DMD: variants seen among roughly 807,000 people sequenced by gnomAD.
DMD encodes mutant dystrophin.
Under a neutral mutation model 330.1 loss-of-function variants are expected in DMD, and 63 were observed. The ratio of observed to expected loss-of-function variants is 0.19; its 90% confidence interval spans 0.16 to 0.24. DMD has a LOEUF of 0.24. DMD is among the 10% of genes least tolerant of loss of function. DMD has a pLI of 1.00. For missense variants in DMD, 3,344 were observed against 2,684.1 expected (o/e 1.25, Z -5.43); for synonymous variants, 1,223 against 959.8 (o/e 1.27, Z -5.07).
chrX:32,485,598 A>G (rs759592246), intron 20 of DMD, among the ~76,000 whole-genome samples: 1 of 109,105 alleles, frequency 9.2e-6, no homozygotes, highest in African/African-American at 3.3e-5. Flanking sequence ...ACAATTATAT[A>G]GATTATATAC....
chrX:32,038,817 G>T (rs1440051770), intron 44 of DMD, among the ~76,000 whole-genome samples: 2 of 111,371 alleles, frequency 1.8e-5, no homozygotes, highest in African/African-American at 6.5e-5. Context: ...CATATAAACA[G>T]GTTGGCTAAA....
intron 53 of DMD, among the ~76,000 whole-genome samples, chrX:31,671,944 G>A (rs778776075): frequency 1.1e-3 from 123 of 110,791 alleles, no homozygotes; most frequent in African/African-American, 3.9e-3. Flanking sequence ...GCTGCTTACT[G>A]TAGATTTACT....
intron 11 of DMD, among the ~76,000 whole-genome samples, chrX:32,628,508 T>G (rs189136737): frequency 2.8e-4 from 30 of 108,465 alleles, no homozygotes; most frequent in African/African-American, 9.7e-4. Context: ...TTGTTGTACT[T>G]TAATGTATTT....
chrX:32,984,502 G>A (rs761255782), intron 2 of DMD, among the ~76,000 whole-genome samples: 4 of 111,669 alleles, frequency 3.6e-5, no homozygotes, highest in East Asian at 2.8e-4. Flanking sequence ...TGATCCACCC[G>A]CTTTGGCCGC....
chrX:31,749,380 G>A (rs1400220035), intron 51 of DMD, among the ~76,000 whole-genome samples: 1 of 98,265 alleles, frequency 1.0e-5, no homozygotes, highest in Admixed American at 1.2e-4. Flanking sequence ...ACCTATGAAT[G>A]AGAATATGCG....
intron 9 of DMD, among the ~76,000 whole-genome samples, chrX:32,656,221 G>T (rs1036168157): frequency 1.8e-5 from 2 of 111,777 alleles, no homozygotes; most frequent in African/African-American, 6.5e-5. Flanking sequence ...GCATAGATAT[G>T]CTCTCTTCTT....
intron 43 of DMD, among the ~76,000 whole-genome samples, chrX:32,264,819 G>A (rs928627681): frequency 1.8e-5 from 2 of 111,742 alleles, no homozygotes; most frequent in African/African-American, 6.5e-5. Context: ...CTGGTGGAAG[G>A]AATTTCTAAA....
At position 32,188,559 on chromosome X, in the gene DMD, A is replaced by C. The variant is rs184109284; in HGVS notation, c.6438+28357T>G. ...CTATCCACACAGAACTAAAATATCC[A>C]ATCTTATTTGGATGTTTTCCTGGAC... On this transcript the variant is annotated intron_variant, in intron 44 of 78. Coordinates refer to ENST00000357033, the MANE Select transcript of DMD (RefSeq NM_004006.3). Among the ~76,000 whole-genome samples the C allele has an allele frequency of 1.1e-4, 12 of 106,745 alleles. No homozygotes were observed. The East Asian group carries it at 3.2e-3, about 29-fold the overall frequency. The allele number at this position is 106,745 out of a possible 115,157, so 92.7% of individuals were successfully genotyped here.
intron 77 of DMD, 131 bp downstream of exon 77, chrX:31,133,971 A>C (rs766551148): frequency 3.6e-6 from 2 of 561,486 alleles, no homozygotes; most frequent in Non-Finnish European, 6.1e-6. Flanking sequence ...AAATCTTTTC[A>C]CCATGGACCC....
intron 7 of DMD, among the ~76,000 whole-genome samples, chrX:32,765,292 T>C (rs1057459352): frequency 9.0e-6 from 1 of 110,680 alleles, no homozygotes; most frequent in African/African-American, 3.3e-5. Flanking sequence ...TTTAGTACTG[T>C]CCGCTTGGTA....
chrX:32,384,449 T>C (rs1476328199), intron 33 of DMD, among the ~76,000 whole-genome samples: 1 of 110,976 alleles, frequency 9.0e-6, no homozygotes, highest in Non-Finnish European at 1.9e-5. Flanking sequence ...TGCTTTCCCA[T>C]CAATTGAGTA....
At chrX:33,009,517 T>G (rs189187622) in intron 2 of DMD, among the ~76,000 whole-genome samples, 1 of 81,255 alleles carries the variant, frequency 1.2e-5, no homozygotes, top group Non-Finnish European at 2.3e-5. Flanking sequence ...TATATACACA[T>G]ATGTGTGTAT....
chrX:33,280,434 T>C (rs1443188548), intron 1 of DMD, among the ~76,000 whole-genome samples: 1 of 112,200 alleles, frequency 8.9e-6, no homozygotes, highest in Non-Finnish European at 1.9e-5. Flanking sequence ...TATTTTTGAG[T>C]AAGTTTTACA....
chrX:31,264,269 G>A (rs1267271035), intron 62 of DMD, among the ~76,000 whole-genome samples: 1 of 112,064 alleles, frequency 8.9e-6, no homozygotes, highest in Non-Finnish European at 1.9e-5. Flanking sequence ...CTAGGGAGGA[G>A]GGAGTGGAAG....
intron 27 of DMD, among the ~76,000 whole-genome samples, chrX:32,447,061 C>T (rs1057378211): frequency 2.1e-4 from 23 of 110,543 alleles, no homozygotes; most frequent in South Asian, 3.7e-4. Flanking sequence ...TTTAAATGAA[C>T]AACATGAATA....
intron 29 of DMD, among the ~76,000 whole-genome samples, chrX:32,435,145 AT>A (rs1444140950): frequency 9.3e-6 from 1 of 107,420 alleles, no homozygotes; most frequent in East Asian, 3.0e-4. Flanking sequence ...TAATGGAGGC[AT>A]GTGCATTTCA....
At chrX:32,405,819 T>C (rs1030736109) in intron 30 of DMD, among the ~76,000 whole-genome samples, 1 of 111,830 alleles carries the variant, frequency 8.9e-6, no homozygotes. Flanking sequence ...GGGGATGGCA[T>C]TGAATCTATA....
chrX:33,132,170 C>T (rs1231861765), intron 1 of DMD, among the ~76,000 whole-genome samples: 5 of 112,058 alleles, frequency 4.5e-5, no homozygotes, highest in Admixed American at 9.5e-5. Flanking sequence ...TAAACATTTT[C>T]GTTGGCAGTG....
rs557078638 is a variant in DMD, at chrX:32,368,168, C to A, written c.4846-2969G>T. 5.4e-5 allele frequency among the ~76,000 whole-genome samples: 6 copies of A among 111,758 alleles called. No individual in the cohort carries two copies. The South Asian group carries it at 2.2e-3, about 41-fold the overall frequency. The stretch of plus-strand genomic sequence containing the variant: ...GAAATACTAATTGACCAATGTATAT[C>A]AGGTGCCTAATATCCAGTCTGTACT... On this transcript the variant is annotated intron_variant, in intron 34 of 78. Coordinates refer to ENST00000357033, the MANE Select transcript of DMD (RefSeq NM_004006.3).
Sources: allele counts gnomAD v4.1 joint callset (sites outside exome capture counted in the v4.1 genomes callset), GRCh38; gene constraint gnomAD v4.1.1; transcripts MANE v1.5; gene names NCBI Gene and HGNC (gene_info 2026-07-23, HGNC 2026-07-21).